The following CAND1 variants were observed in gnomAD, a reference collection of about 807,000 sequenced individuals.
CAND1 encodes the protein cullin-associated NEDD8-dissociated protein 1.
CAND1 carries 7 observed loss-of-function variants against 108.5 expected under a neutral mutation model. The observed-to-expected ratio is 0.06, with a 90% CI of 0.04 to 0.12. The LOEUF is 0.12. Ranked by LOEUF, CAND1 falls within the 10% of genes least tolerant of loss-of-function variation. The pLI is 1.00. For synonymous variants in CAND1, 534 were observed against 512.0 expected (o/e 1.04, Z -0.58); for missense variants, 941 against 1,448.7 (o/e 0.65, Z 5.69).
chr12:67,277,407 A>G (rs909560957), intron 1 of CAND1, among the ~76,000 whole-genome samples: 3 of 152,220 alleles, frequency 2.0e-5, no homozygotes, highest in Non-Finnish European at 4.4e-5. Flanking sequence ...TTCACAGCCA[A>G]TAAAGAAGCT....
At position 67,306,430 on chromosome 12, in the gene CAND1, C is replaced by T. The variant is rs563661221; in HGVS notation, c.2762C>T (p.Ser921Leu). Residue 921 changes from serine (S) to leucine (L), a missense_variant, in exon 10 of 15, where the codon TCA (serine) becomes TTA (leucine). Ser to Leu is a moderately radical substitution (Grantham distance 145). Transcript: ENST00000545606. The stretch of plus-strand genomic sequence containing the variant: ...TTGAAGGAAATTATTAGCTCTGCAT[C>T]AGTGGTGGGCCTTAAACCATATGTT... ...HSLKEIISSA[S>L]VVGLKPYVEN... The T allele has an allele frequency of 6.2e-7, 1 of 1,614,064 alleles. No homozygotes were observed. The highest frequency in any genetic ancestry group is 2.2e-5 in the East Asian group (1 of 44,864).
intron 7 of CAND1, among the ~76,000 whole-genome samples, chr12:67,300,581 C>T (rs1390584209): frequency 6.6e-6 from 1 of 152,050 alleles, no homozygotes; most frequent in Non-Finnish European, 1.5e-5. Context: ...TTCACACATC[C>T]CTCAGCTAGT....
chr12:67,283,090 A>G (rs924250268), intron 2 of CAND1, among the ~76,000 whole-genome samples: 1 of 152,212 alleles, frequency 6.6e-6, no homozygotes, highest in Admixed American at 6.5e-5. Context: ...TATATTTGAT[A>G]TCAATTTAAA....
chr12:67,295,504 G>A (rs888780170), intron 4 of CAND1, among the ~76,000 whole-genome samples: 2 of 152,084 alleles, frequency 1.3e-5, no homozygotes, highest in Non-Finnish European at 2.9e-5. Flanking sequence ...CGGATTTTCC[G>A]GTTAAAAGAA....
rs2044865006 is a variant in CAND1 at position 67,305,090 on chromosome 12, T to G, written c.1436-14T>G. Reference sequence around the variant, plus strand: ...TCTGCACAGCAATGATTGGATTTTTTGTTGGCTTTTTAGGAATCATTTTCT... The same window carrying G: ...TCTGCACAGCAATGATTGGATTTTTGGTTGGCTTTTTAGGAATCATTTTCT... On this transcript the variant is annotated splice_polypyrimidine_tract_variant and intron_variant, in intron 9 of 14. Coordinates refer to ENST00000545606, the MANE Select transcript of CAND1 (RefSeq NM_018448.5). This position sits in a 1 kb window ranked among gnomAD's most constrained non-coding sequence, Gnocchi z 4.4. 1 of 1,598,458 alleles carries G rather than the reference T, an allele frequency of 6.3e-7. No homozygotes were observed. Among genetic ancestry groups the G allele is most frequent in the Non-Finnish European group, 8.5e-7 (1 of 1,173,278 alleles).
intron 1 of CAND1, chr12:67,270,056 C>G (rs1012989815): frequency 4.4e-6 from 2 of 449,448 alleles, no homozygotes; most frequent in Non-Finnish European, 7.8e-6. Context: ...ACATCCTTCC[C>G]TGCCCCACCA....
In CAND1 at chr12:67,302,470, T is replaced by G. The variant is rs1296200885; in HGVS notation, c.1148T>G (p.Phe383Cys). The change falls in exon 8 of 15, where the codon TTT becomes TGT. Residue 383 changes from phenylalanine to cysteine, a missense_variant. By Grantham distance (205) the Phe-to-Cys change is radical (BLOSUM62 -2). Transcript: ENST00000545606. ...GTCTCTCCTGCACTAATATCCAGAT[T>G]TAAAGAGCGTGAAGAGAATGTAAAG... ...KTVSPALISR[F>C]KEREENVKAD... is the part of the protein sequence containing the mutation. The G allele has an allele frequency of 1.9e-6, 3 of 1,613,998 alleles. No individual in the cohort carries two copies. The highest frequency in any genetic ancestry group is 2.7e-5 in the African/African-American group (2 of 74,912).
intron 3 of CAND1, among the ~76,000 whole-genome samples, chr12:67,294,515 T>C (rs975995379): frequency 3.3e-5 from 5 of 152,218 alleles, no homozygotes; most frequent in Admixed American, 6.5e-5. Flanking sequence ...CTTGCTGCTT[T>C]TCAATCTAGG....
At chr12:67,306,914 G>A (rs2044892371) in intron 10 of CAND1, among the ~76,000 whole-genome samples, 1 of 152,106 alleles carries the variant, frequency 6.6e-6, no homozygotes, top group Non-Finnish European at 1.5e-5. Flanking sequence ...AGAGCTTGTT[G>A]ATACTAATTA....
chr12:67,269,535 G>T lies in CAND1; in HGVS notation c.-183G>T. The stretch of plus-strand genomic sequence containing the variant: ...TCGGCTTACCCCGGGACAGGCCCAC[G>T]CCTCGCCAGGGAGGGGGCAGCCCGT... On this transcript the variant is annotated 5_prime_UTR_variant, in exon 1 of 15. Coordinates refer to ENST00000545606, the MANE Select transcript of CAND1 (RefSeq NM_018448.5). 1 of 569,186 alleles carries T rather than the reference G, an allele frequency of 1.8e-6. No homozygotes were observed. Among genetic ancestry groups the T allele is most frequent in the South Asian group, 2.1e-5 (1 of 46,522 alleles). The allele number at this position is 569,186 out of a possible 1,614,324, so 35.3% of individuals were successfully genotyped here.
chr12:67,295,787 T>G (rs2044763312), intron 4 of CAND1, among the ~76,000 whole-genome samples: 1 of 152,062 alleles, frequency 6.6e-6, no homozygotes, highest in African/African-American at 2.4e-5. Flanking sequence ...GGTGTGTGGG[T>G]GTGTGTGTAT....
At chr12:67,283,537 C>T (rs145178447) in intron 2 of CAND1, among the ~76,000 whole-genome samples, 77 of 149,530 alleles carry the variant, frequency 5.1e-4, no homozygotes, top group East Asian at 3.3e-3. Flanking sequence ...GAGCCAAGAT[C>T]GTGCCACTGC....
rs749955240 is a variant in CAND1 at position 67,305,071 on chromosome 12, C to T, written c.1436-33C>T. The T allele has an allele frequency of 1.3e-5, 21 of 1,571,202 alleles. No individual in the cohort carries two copies. The East Asian group carries it at 4.0e-4, about 30-fold the overall frequency. On this transcript the variant is annotated intron_variant, in intron 9 of 14. Coordinates refer to ENST00000545606, the MANE Select transcript of CAND1 (RefSeq NM_018448.5). This position sits in a 1 kb window ranked among gnomAD's most constrained non-coding sequence, Gnocchi z 4.4. Reference sequence around the variant, plus strand: ...AATTTTTCTTTCTTAAAAGTCTGCACAGCAATGATTGGATTTTTTGTTGGC... The same window carrying T: ...AATTTTTCTTTCTTAAAAGTCTGCATAGCAATGATTGGATTTTTTGTTGGC...
chr12:67,302,534 A>C lies in CAND1; in HGVS notation c.1212A>C (p.Gln404His). 1 of 1,614,168 alleles carries C rather than the reference A, an allele frequency of 6.2e-7. No individual in the cohort carries two copies. Among genetic ancestry groups the C allele is most frequent in the Non-Finnish European group, 8.5e-7 (1 of 1,179,988 alleles). ...VFHAYLSLLKQTRPVQSWLCD... is the reference protein window; with the variant it reads ...VFHAYLSLLKHTRPVQSWLCD... ...ACGCATACCTTTCTCTTTTGAAGCA[A>C]ACTCGTCCTGTACAAAGTTGGCTAT... Residue 404 changes from glutamine to histidine, a missense_variant, in exon 8 of 15, where the codon CAA (glutamine) becomes CAC (histidine). By Grantham distance (24) the Gln-to-His change is conservative (BLOSUM62 0). This residue lies in a region of CAND1 where 697 missense variants were observed against 942.0 expected (regional missense o/e 0.74). Coordinates refer to ENST00000545606, the MANE Select transcript of CAND1 (RefSeq NM_018448.5).
intron 4 of CAND1, among the ~76,000 whole-genome samples, chr12:67,295,704 G>C (rs1022327938): frequency 3.9e-5 from 6 of 152,208 alleles, no homozygotes; most frequent in African/African-American, 1.4e-4. Context: ...ATTCATTATA[G>C]GCCACCATTA....
At chr12:67,311,976 T>A (rs2044955120) in intron 14 of CAND1, among the ~76,000 whole-genome samples, 176 bp downstream of exon 14, 1 of 152,178 alleles carries the variant, frequency 6.6e-6, no homozygotes, top group Admixed American at 6.5e-5. Flanking sequence ...TAACGGCTAT[T>A]CTTAAAAGTT....
At chr12:67,286,391 A>G (rs572126008) in intron 2 of CAND1, among the ~76,000 whole-genome samples, 2 of 152,206 alleles carry the variant, frequency 1.3e-5, no homozygotes, top group African/African-American at 4.8e-5. Context: ...TTGTTTCCCA[A>G]AGTCTATCTA....
intron 6 of CAND1, 124 bp from the exon 7 acceptor site, chr12:67,298,826 T>C: frequency 4.8e-6 from 3 of 621,700 alleles, no homozygotes; most frequent in South Asian, 1.7e-5. Flanking sequence ...GCAAGAATCA[T>C]TGGTGCTAGA....
chr12:67,298,016 C>T (rs1405891997), intron 6 of CAND1, among the ~76,000 whole-genome samples, 163 bp downstream of exon 6: 1 of 152,036 alleles, frequency 6.6e-6, no homozygotes, highest in African/African-American at 2.4e-5. Flanking sequence ...AAAATGTGGT[C>T]ATCACATTTA....
Sources: allele counts gnomAD v4.1 joint callset (sites outside exome capture counted in the v4.1 genomes callset), GRCh38; gene constraint gnomAD v4.1.1; regional missense constraint gnomAD v4.1.1; non-coding constraint Gnocchi (gnomAD v3.1); transcripts MANE v1.5; gene names NCBI Gene and HGNC (gene_info 2026-07-23, HGNC 2026-07-21).